Variants in H2BC4 observed in about 807,000 individuals in gnomAD.
H2BC4 encodes the protein H2B clustered histone 4.
Under a neutral mutation model 6.2 loss-of-function variants are expected in H2BC4, and 10 were observed. The ratio of observed to expected loss-of-function variants is 1.61; its 90% CI spans 0.99 to 2.73. H2BC4 has a LOEUF of 2.73. H2BC4 is among the 30% of genes most tolerant of loss of function. H2BC4 has a pLI of 0.00. For synonymous variants in H2BC4, 146 were observed against 70.7 expected (o/e 2.07, Z -5.35); for missense variants, 176 against 168.7 (o/e 1.04, Z -0.24).
At chr6:26,123,156 G>A (rs1763529305), downstream of H2BC4, among the ~76,000 whole-genome samples, 1 of 152,200 alleles carries the variant, frequency 6.6e-6, no homozygotes, top group Non-Finnish European at 1.5e-5. Flanking sequence ...GCGAAATTAT[G>A]ACATTACGGC....
downstream of H2BC4, among the ~76,000 whole-genome samples, chr6:26,120,262 C>T (rs1296318832): frequency 6.6e-6 from 1 of 152,158 alleles, no homozygotes; most frequent in East Asian, 1.9e-4. Flanking sequence ...ACCAGTTTGG[C>T]CAACATGGCG....
chr6:26,121,677 A>T (rs901111347), downstream of H2BC4, among the ~76,000 whole-genome samples: 1 of 152,052 alleles, frequency 6.6e-6, no homozygotes, highest in Non-Finnish European at 1.5e-5. Flanking sequence ...TTTTGGTTAC[A>T]CTGATTAGTT....
At position 26,123,632 on chromosome 6, in the gene H2BC4, G is replaced by C. The variant is rs1019691643; in HGVS notation, c.273C>G (p.Thr91=). The change falls in exon 1 of 1, where the codon ACC becomes ACG. Residue 91 remains threonine, a synonymous_variant. Transcript: ENST00000396984. ...LAHYNKRSTI[T]SREIQTAVRL... The stretch of plus-strand genomic sequence containing the variant: ...GCACGGCCGTCTGGATCTCCCTGGA[G>C]GTGATGGTCGAGCGCTTGTTGTAAT... The C allele has an allele frequency of 2.5e-6, 4 of 1,614,278 alleles. No individual in the cohort carries two copies. The South Asian group carries it at 4.4e-5, about 18-fold the overall frequency.
At chr6:26,123,194 G>A (rs1228321142), downstream of H2BC4, among the ~76,000 whole-genome samples, 2 of 152,196 alleles carry the variant, frequency 1.3e-5, no homozygotes, top group African/African-American at 4.8e-5. Flanking sequence ...ACGTAGACAG[G>A]GACAGACAGC....
intron 1 of H2BC4, among the ~76,000 whole-genome samples, chr6:26,117,349 A>G (rs190360009): frequency 1.7e-4 from 26 of 152,322 alleles, no homozygotes; most frequent in Non-Finnish European, 3.4e-4. Flanking sequence ...TTTAATCTTC[A>G]CATACTTCTA....
intron 1 of H2BC4, among the ~76,000 whole-genome samples, chr6:26,117,999 C>G (rs1251351427): frequency 2.6e-5 from 4 of 152,190 alleles, no homozygotes; most frequent in Non-Finnish European, 5.9e-5. Context: ...GTATTTTCCA[C>G]TGACAACCAA....
downstream of H2BC4, among the ~76,000 whole-genome samples, chr6:26,113,228 C>T (rs1466628592): frequency 3.3e-5 from 5 of 152,338 alleles, no homozygotes; most frequent in East Asian, 1.9e-4. Flanking sequence ...ATCAGCAGTG[C>T]GTGAGCACCT....
At chr6:26,118,096 AAGGAGCAAGT>A (rs1472593530) in intron 1 of H2BC4, among the ~76,000 whole-genome samples, 1 of 152,194 alleles carries the variant, frequency 6.6e-6, no homozygotes, top group African/African-American at 2.4e-5. Flanking sequence ...ATATCTCATA[AAGGAGCAAGT>A]CTAACCATGT....
At chr6:26,123,339 G>A, downstream of H2BC4, 7 of 1,076,062 alleles carry the variant, frequency 6.5e-6, no homozygotes, top group Admixed American at 6.0e-5. Flanking sequence ...CTTCTTTCGG[G>A]TTCAGGACCC....
At chr6:26,114,455 T>G (rs1763395018), downstream of H2BC4, among the ~76,000 whole-genome samples, 1 of 152,190 alleles carries the variant, frequency 6.6e-6, no homozygotes, top group South Asian at 2.1e-4. Context: ...TAAATATGAG[T>G]GCTATAAAAC....
intron 1 of H2BC4, among the ~76,000 whole-genome samples, chr6:26,115,454 T>C (rs904258448): frequency 6.6e-6 from 1 of 152,254 alleles, no homozygotes; most frequent in African/African-American, 2.4e-5. Context: ...AGCCCTTGAA[T>C]GTCTGTACGC....
downstream of H2BC4, among the ~76,000 whole-genome samples, chr6:26,122,515 C>A (rs934656700): frequency 7.9e-5 from 12 of 152,278 alleles, no homozygotes; most frequent in Middle Eastern, 3.4e-3. Flanking sequence ...GGCCACAAAG[C>A]GGCCTGCAGT....
chr6:26,123,463 T>G, downstream of H2BC4: 2 of 1,605,230 alleles, frequency 1.2e-6, no homozygotes, highest in Non-Finnish European at 8.5e-7. Flanking sequence ...TTTTAGTGGG[T>G]ATCTGGGTGG....
chr6:26,116,471 T>TGGG (rs1458500934), intron 1 of H2BC4, among the ~76,000 whole-genome samples: 9 of 152,112 alleles, frequency 5.9e-5, no homozygotes, highest in Non-Finnish European at 1.3e-4. Flanking sequence ...GGCAGGAGGA[T>TGGG]CACTTAAGCC....
downstream of H2BC4, among the ~76,000 whole-genome samples, chr6:26,119,869 G>A (rs1763476297): frequency 6.6e-6 from 1 of 151,534 alleles, no homozygotes; most frequent in African/African-American, 2.4e-5. Context: ...TAATAAAAGA[G>A]GTATTAATAT....
At chr6:26,113,421 G>C (rs1426438965), downstream of H2BC4, among the ~76,000 whole-genome samples, 1 of 152,182 alleles carries the variant, frequency 6.6e-6, no homozygotes, top group Non-Finnish European at 1.5e-5. Flanking sequence ...TTTGTCTCCT[G>C]GTAAGACATC....
chr6:26,123,233 T>C, downstream of H2BC4: 1 of 467,782 alleles, frequency 2.1e-6, no homozygotes, highest in South Asian at 2.9e-5. Flanking sequence ...GAGCCTGCGG[T>C]TTCTTCCGGG....
At chr6:26,119,849 TA>T (rs533483544), downstream of H2BC4, among the ~76,000 whole-genome samples, 3 of 151,856 alleles carry the variant, frequency 2.0e-5, no homozygotes, top group Non-Finnish European at 4.4e-5. Context: ...TTTTCCTTAT[TA>T]AAAAAACCTA....
chr6:26,123,782 G>A lies in H2BC4; in HGVS notation c.123C>T (p.Tyr41=), dbSNP rs1214521441. Residue 41 remains tyrosine, a synonymous_variant, in exon 1 of 1, where the codon TAC becomes TAT. Coordinates refer to ENST00000396984, the MANE Select transcript of H2BC4 (RefSeq NM_003526.3). ...GGACCTGTTTCAGCACCTTGTACAC[G>A]TACACAGAGTAACTCTCCTTGCGGC... The part of the protein sequence containing the change: ...KRSRKESYSV[Y]VYKVLKQVHP... The A allele has an allele frequency of 2.5e-6, 4 of 1,614,152 alleles. No homozygotes were observed. Among genetic ancestry groups the A allele is most frequent in the African/African-American group, 2.7e-5 (2 of 74,950 alleles).
Sources: gnomAD v4.1 joint callset for allele counts (sites outside exome capture counted in the v4.1 genomes callset) on GRCh38, gnomAD v4.1.1 for gene constraint, MANE v1.5 for transcripts, NCBI Gene and HGNC (gene_info 2026-07-23, HGNC 2026-07-21) for gene names.